Variants in PCBP2 observed in about 807,000 individuals in gnomAD.
PCBP2 encodes poly(rC) binding protein 2, also known as poly(rC)-binding protein 2.
PCBP2 carries 4 observed loss-of-function variants against 50.1 expected under a neutral mutation model. The observed-to-expected ratio is 0.08, with a 90% CI of 0.04 to 0.18. PCBP2 has a LOEUF of 0.18. Among genes scored for constraint, PCBP2 ranks in the 10% least tolerant of loss-of-function variants. The pLI is 1.00. For missense variants in PCBP2, 161 were observed against 474.3 expected (o/e 0.34, Z 6.14); for synonymous variants, 179 against 168.0 (o/e 1.07, Z -0.51).
At chr12:53,469,365 TAA>T (rs1027637882) in intron 13 of PCBP2, among the ~76,000 whole-genome samples, 1 of 152,134 alleles carries the variant, frequency 6.6e-6, no homozygotes, top group Non-Finnish European at 1.5e-5. Context: ...ACAAATATGA[TAA>T]GAGAAAATAG....
rs1309968494 is a variant in PCBP2 at position 53,479,940 on chromosome 12, T to G, written c.*498T>G. 3 of 152,202 alleles carry G rather than the reference T, an allele frequency of 2.0e-5. No homozygotes were observed. The highest frequency in any genetic ancestry group is 4.4e-5 in the Non-Finnish European group (3 of 68,104). The allele number at this position is 152,202 out of a possible 1,614,324, so 9.4% of individuals were successfully genotyped here. ...GGAAGCCTTTATTCCGGTTAAGATG[T>G]TTTCTTCTATTTTACCACTTCCATC... On this transcript the variant is annotated 3_prime_UTR_variant, in exon 15 of 15. Transcript: ENST00000546463.
At chr12:53,477,146 G>A (rs779169429) in intron 14 of PCBP2, among the ~76,000 whole-genome samples, 7 of 151,840 alleles carry the variant, frequency 4.6e-5, no homozygotes, top group East Asian at 1.9e-4. Context: ...ATCCCCATTC[G>A]GGCTTGATAC....
intron 11 of PCBP2, chr12:53,467,498 A>G (rs1471913294): frequency 4.7e-6 from 3 of 635,494 alleles, no homozygotes; most frequent in Admixed American, 2.8e-5. Context: ...TCTAAAAGAA[A>G]AAAAAAGCCC....
intron 1 of PCBP2, chr12:53,452,972 CG>C (rs1483578524): frequency 2.0e-5 from 3 of 151,950 alleles, no homozygotes; most frequent in African/African-American, 7.3e-5. Context: ...GGACGTTTCT[CG>C]GGGTAACGAA....
chr12:53,459,258 C>A lies in PCBP2; in HGVS notation c.244-14C>A, dbSNP rs764452910. 1 of 1,588,268 alleles carries A rather than the reference C, an allele frequency of 6.3e-7. No individual in the cohort carries two copies. ...CCAGGGATCTGCTTATTGTGGTGTT[C>A]TTTCTTTCTGTAGGACATAAGCAGC... On this transcript the variant is annotated splice_polypyrimidine_tract_variant and intron_variant, in intron 5 of 14. Transcript: ENST00000546463.
At position 53,465,925 on chromosome 12, in the gene PCBP2, T is replaced by C. The variant is rs748201609; in HGVS notation, c.673-7T>C. On this transcript the variant is annotated splice_region_variant and splice_polypyrimidine_tract_variant and intron_variant, in intron 9 of 14. Transcript: ENST00000546463. ...TTTTAATAGGAACTGTTTTCCTCCT[T>C]TTGTAGGCCTATACCATTCAAGGAC... The C allele has an allele frequency of 2.5e-5, 40 of 1,610,620 alleles. No individual in the cohort carries two copies. Among genetic ancestry groups the C allele is most frequent in the Non-Finnish European group, 3.0e-5 (35 of 1,177,420 alleles).
At chr12:53,476,885 T>C (rs1942620232) in intron 14 of PCBP2, among the ~76,000 whole-genome samples, 1 of 152,168 alleles carries the variant, frequency 6.6e-6, no homozygotes, top group Admixed American at 6.5e-5. Flanking sequence ...TTAATCATGC[T>C]GATACCATCT....
At chr12:53,462,608 T>C in intron 8 of PCBP2, 41 bp downstream of exon 8, 1 of 1,527,926 alleles carries the variant, frequency 6.5e-7, no homozygotes, top group Non-Finnish European at 9.1e-7. Context: ...GAACAGAGAT[T>C]ATATTTGAAA....
At chr12:53,457,585 ATCC>A (rs1437849261) in intron 5 of PCBP2, among the ~76,000 whole-genome samples, 2 of 151,026 alleles carry the variant, frequency 1.3e-5, no homozygotes, top group Admixed American at 6.6e-5. Context: ...GGCTCAAGCA[ATCC>A]TCCTGTCTCA....
chr12:53,475,807 T>G (rs1055393727), intron 14 of PCBP2: 3 of 152,202 alleles, frequency 2.0e-5, no homozygotes, highest in African/African-American at 7.2e-5. Context: ...AACGAGTCTG[T>G]GGCAGTTTAG....
In PCBP2 at chr12:53,455,502, T is replaced by C. The variant is rs372617579; in HGVS notation, c.126+9T>C. The stretch of plus-strand genomic sequence containing the variant: ...AGAAGATGCGCGAGGAGGTAAGTTA[T>C]GAAAGACTGAGATTGTTAACTTTGG... On this transcript the variant is annotated intron_variant, in intron 4 of 14. Coordinates refer to ENST00000546463, the MANE Select transcript of PCBP2 (RefSeq NM_031989.5). 4.8e-5 allele frequency: 77 copies of C among 1,613,498 alleles called. No homozygotes were observed. Among genetic ancestry groups the C allele is most frequent in the South Asian group, 1.3e-4 (12 of 91,062 alleles).
chr12:53,458,398 C>T (rs1045982923), intron 5 of PCBP2, among the ~76,000 whole-genome samples: 3 of 151,382 alleles, frequency 2.0e-5, no homozygotes, highest in Admixed American at 6.6e-5. Context: ...CTCTTCCTCC[C>T]GGATTCAAGC....
intron 2 of PCBP2, among the ~76,000 whole-genome samples, 180 bp from the exon 3 acceptor site, chr12:53,455,167 T>C (rs1940900993): frequency 6.6e-6 from 1 of 152,238 alleles, no homozygotes; most frequent in South Asian, 2.1e-4. Flanking sequence ...AATCTTCAAA[T>C]CTTTCCAATC....
In PCBP2 at chr12:53,455,955, A is replaced by G; in HGVS notation, c.197A>G (p.Asn66Ser). 6.2e-7 allele frequency: 1 copy of G among 1,613,762 alleles called. No homozygotes were observed. Among genetic ancestry groups the G allele is most frequent in the Non-Finnish European group, 8.5e-7 (1 of 1,179,676 alleles). Reference sequence around the variant, plus strand: ...ATTATCACTTTGGCTGGACCCACTAATGCCATCTTCAAAGCCTTTGCTATG... The same window carrying G: ...ATTATCACTTTGGCTGGACCCACTAGTGCCATCTTCAAAGCCTTTGCTATG... Reference protein sequence around the residue: ...ERIITLAGPTNAIFKAFAMII... With the variant: ...ERIITLAGPTSAIFKAFAMII... Residue 66 changes from asparagine to serine, a missense_variant, in exon 5 of 15, where the codon AAT becomes AGT. By Grantham distance (46) the Asn-to-Ser change is conservative (BLOSUM62 1). Transcript: ENST00000546463.
intron 14 of PCBP2, 130 bp from the exon 15 acceptor site, chr12:53,479,276 A>G: frequency 1.3e-6 from 1 of 789,274 alleles, no homozygotes; most frequent in South Asian, 1.5e-5. Flanking sequence ...GGTAAATTTA[A>G]GAAACCTTAA....
chr12:53,468,689 G>GT, intron 12 of PCBP2, 88 bp from the exon 13 acceptor site: 1 of 1,019,276 alleles, frequency 9.8e-7, no homozygotes, highest in Non-Finnish European at 1.6e-6. Flanking sequence ...TGGGTTTCCA[G>GT]TTTATTTCCT....
chr12:53,455,586 A>T, intron 4 of PCBP2, 93 bp downstream of exon 4: 1 of 1,264,456 alleles, frequency 7.9e-7, no homozygotes, highest in Non-Finnish European at 1.1e-6. Context: ...GAAGGTCTCA[A>T]TAAGGGAAAT....
At chr12:53,471,329 C>G (rs1483944196) in intron 13 of PCBP2, among the ~76,000 whole-genome samples, 1 of 151,260 alleles carries the variant, frequency 6.6e-6, no homozygotes, top group Non-Finnish European at 1.5e-5. Context: ...CCTGTAATCC[C>G]AGCACTTTGG....
chr12:53,462,459 CTT>C (rs775349169), intron 7 of PCBP2, 32 bp from the exon 8 acceptor site: 6 of 1,582,962 alleles, frequency 3.8e-6, no homozygotes, highest in Non-Finnish European at 4.3e-6. Flanking sequence ...AACCTTATCT[CTT>C]TTTGTTTTTT....
Sources: gnomAD v4.1 joint callset for allele counts (sites outside exome capture counted in the v4.1 genomes callset) on GRCh38, gnomAD v4.1.1 for gene constraint, MANE v1.5 for transcripts, NCBI Gene and HGNC (gene_info 2026-07-23, HGNC 2026-07-21) for gene names.